STK38L: variants seen among roughly 807,000 people sequenced by gnomAD.
STK38L encodes serine/threonine-protein kinase 38-like.
STK38L carries 28 observed loss-of-function variants against 59.7 expected under a neutral mutation model. That is an observed-to-expected ratio of 0.47 (90% CI 0.35 to 0.64). The LOEUF is 0.64. Among genes scored for constraint, STK38L ranks in the 30% least tolerant of loss-of-function variants. STK38L has a pLI of 0.01. For synonymous variants in STK38L, 162 were observed against 176.8 expected, an observed-to-expected ratio of 0.92 and a Z score of 0.66; for missense variants, 314 against 555.8, an observed-to-expected ratio of 0.56 and a Z score of 4.37.
At chr12:27,284,962 G>A (rs1321531459) in intron 1 of STK38L, among the ~76,000 whole-genome samples, 1 of 152,190 alleles carries the variant, frequency 6.6e-6, no homozygotes, top group African/African-American at 2.4e-5. Context: ...CACATGGTAT[G>A]TCTGCTTTTA....
chr12:27,254,490 C>A (rs1161486015), intron 1 of STK38L, among the ~76,000 whole-genome samples: 2 of 152,112 alleles, frequency 1.3e-5, no homozygotes, highest in African/African-American at 2.4e-5. Flanking sequence ...CGTTAGATTG[C>A]TAGAGATAAA....
intron 1 of STK38L, among the ~76,000 whole-genome samples, chr12:27,296,111 A>G (rs916112383): frequency 6.6e-6 from 1 of 152,238 alleles, no homozygotes; most frequent in East Asian, 1.9e-4. Context: ...GATGAAATGC[A>G]ATCATGCATG....
At chr12:27,286,899 T>C (rs997965093) in intron 1 of STK38L, among the ~76,000 whole-genome samples, 2 of 152,164 alleles carry the variant, frequency 1.3e-5, no homozygotes, top group East Asian at 3.8e-4. Context: ...CTGCATAATT[T>C]TAAATTTTCT....
At chr12:27,259,636 CT>C (rs1159425169) in intron 1 of STK38L, among the ~76,000 whole-genome samples, 15 of 152,156 alleles carry the variant, frequency 9.9e-5, no homozygotes, top group South Asian at 2.1e-4. Context: ...TGAAGGGTTT[CT>C]TTCCCCCCCT....
At chr12:27,266,558 G>A (rs893120467) in intron 1 of STK38L, among the ~76,000 whole-genome samples, 8 of 152,248 alleles carry the variant, frequency 5.3e-5, no homozygotes, top group African/African-American at 1.9e-4. Flanking sequence ...GAAACACATT[G>A]CCCACATGTT....
At chr12:27,296,479 C>G (rs1366391633) in intron 1 of STK38L, among the ~76,000 whole-genome samples, 4 of 152,248 alleles carry the variant, frequency 2.6e-5, no homozygotes, top group African/African-American at 4.8e-5. Flanking sequence ...TCAACCTACA[C>G]TTGACTTGCT....
At chr12:27,282,969 C>G (rs2136627663) in intron 1 of STK38L, among the ~76,000 whole-genome samples, 1 of 152,244 alleles carries the variant, frequency 6.6e-6, no homozygotes, top group Non-Finnish European at 1.5e-5. Flanking sequence ...TCTCACTTTT[C>G]TCTTCTATAA....
At chr12:27,306,750 C>T (rs546241110) in intron 3 of STK38L, among the ~76,000 whole-genome samples, 33 of 147,272 alleles carry the variant, frequency 2.2e-4, no homozygotes, top group Admixed American at 4.7e-4. Flanking sequence ...CACACACACA[C>T]ACATATATTT....
chr12:27,288,677 A>C (rs1461735186), intron 1 of STK38L, among the ~76,000 whole-genome samples: 1 of 151,668 alleles, frequency 6.6e-6, no homozygotes, highest in Middle Eastern at 3.5e-3. Context: ...ATATTTTATA[A>C]TTAAATATGA....
At position 27,323,284 on chromosome 12, in the gene STK38L, T is replaced by C. The variant is rs1944773185; in HGVS notation, c.*829T>C. 1 of 152,304 alleles carries C rather than the reference T, an allele frequency of 6.6e-6. No individual in the cohort carries two copies. The highest frequency in any genetic ancestry group is 1.5e-5 in the Non-Finnish European group (1 of 68,014). The allele number at this position is 152,304 out of a possible 1,614,324, so 9.4% of individuals were successfully genotyped here. A position where few individuals can be genotyped will look rare whatever the true frequency, so the allele number is the denominator to read the frequency against. On this transcript the variant is annotated 3_prime_UTR_variant, in exon 14 of 14. Coordinates refer to ENST00000389032, the MANE Select transcript of STK38L (RefSeq NM_015000.4). ...TTAACAAGAGGACATGGCATTATTTTAATTTGATTATGGTGAGTTGAATTT... is the reference window on the plus strand; with the variant it reads ...TTAACAAGAGGACATGGCATTATTTCAATTTGATTATGGTGAGTTGAATTT...
At chr12:27,319,160 C>T (rs545714502) in intron 11 of STK38L, among the ~76,000 whole-genome samples, 168 bp from the exon 12 acceptor site, 5 of 152,088 alleles carry the variant, frequency 3.3e-5, no homozygotes, top group African/African-American at 7.2e-5. Context: ...CTAAACAGTG[C>T]GCTTACAGAT....
chr12:27,303,253 CTG>C (rs1461719517), intron 3 of STK38L, among the ~76,000 whole-genome samples: 1 of 151,962 alleles, frequency 6.6e-6, no homozygotes, highest in African/African-American at 2.4e-5. Flanking sequence ...TGGTACGTGC[CTG>C]TAGTCCTAGC....
intron 1 of STK38L, among the ~76,000 whole-genome samples, chr12:27,266,543 T>C (rs1210403347): frequency 6.6e-6 from 1 of 152,202 alleles, no homozygotes; most frequent in Non-Finnish European, 1.5e-5. Flanking sequence ...TTTTAAGCTG[T>C]GTAGGAAACA....
At chr12:27,247,839 G>A (rs1942888974) in intron 1 of STK38L, among the ~76,000 whole-genome samples, 1 of 137,196 alleles carries the variant, frequency 7.3e-6, no homozygotes, top group Admixed American at 7.9e-5. Context: ...TTTTTTGACA[G>A]AGTTTAAGTC....
At position 27,315,366 on chromosome 12, in the gene STK38L, T is replaced by G; in HGVS notation, c.837+16T>G. The G allele has an allele frequency of 1.2e-6, 2 of 1,605,560 alleles. No homozygotes were observed. The highest frequency in any genetic ancestry group is 1.7e-6 in the Non-Finnish European group (2 of 1,176,392). On this transcript the variant is annotated intron_variant, in intron 9 of 13. Transcript: ENST00000389032. ...GAGACAACTGGTGAGTCAACCAGTT[T>G]TTAAGAGAATTTTATGCCTTGGTTC...
intron 1 of STK38L, among the ~76,000 whole-genome samples, chr12:27,250,971 C>G (rs1043349753): frequency 6.9e-6 from 1 of 144,494 alleles, no homozygotes; most frequent in Non-Finnish European, 1.5e-5. Flanking sequence ...TGTAGCCCAG[C>G]CTGGGTGACA....
intron 2 of STK38L, 89 bp from the exon 3 acceptor site, chr12:27,302,048 G>T: frequency 1.1e-6 from 1 of 943,672 alleles, no homozygotes; most frequent in Non-Finnish European, 1.5e-6. Flanking sequence ...GCAAGCTGAA[G>T]TGGTTAACCT....
chr12:27,266,491 T>C (rs574676746), intron 1 of STK38L, among the ~76,000 whole-genome samples: 3 of 152,334 alleles, frequency 2.0e-5, no homozygotes, highest in Non-Finnish European at 4.4e-5. Flanking sequence ...CTAACAGTGG[T>C]AGAAATTCTT....
In STK38L at chr12:27,319,375, A is replaced by T; in HGVS notation, c.1127A>T (p.Glu376Val). 1 of 1,613,514 alleles carries T rather than the reference A, an allele frequency of 6.2e-7. No homozygotes were observed. Among genetic ancestry groups the T allele is most frequent in the Non-Finnish European group, 8.5e-7 (1 of 1,179,640 alleles). ...ENRIGNSGVE[E>V]IKGHPFFEGV... ...AGAATTGGAAATAGTGGAGTAGAAG[A>T]AATAAAAGGTCATCCCTTTTTTGAA... The change falls in exon 12 of 14, where the codon GAA (glutamate) becomes GTA (valine). Residue 376 changes from glutamate to valine, a missense_variant. Physicochemically the swap from Glu to Val is moderately radical, Grantham distance 121. Coordinates refer to ENST00000389032, the MANE Select transcript of STK38L (RefSeq NM_015000.4).
Sources: gnomAD v4.1 joint callset for allele counts (sites outside exome capture counted in the v4.1 genomes callset) on GRCh38, gnomAD v4.1.1 for gene constraint, MANE v1.5 for transcripts, NCBI Gene and HGNC (gene_info 2026-07-23, HGNC 2026-07-21) for gene names.